EPHA6: variants seen among roughly 807,000 people sequenced by gnomAD.
The protein encoded by EPHA6 is ephrin type-A receptor 6.
A neutral mutation model predicts 112.0 loss-of-function variants in EPHA6; 50 were observed. The observed-to-expected ratio is 0.45, with a 90% CI of 0.36 to 0.56. The LOEUF is 0.56. Ranked by LOEUF, EPHA6 falls within the 20% of genes least tolerant of loss-of-function variation. The pLI, the probability that EPHA6 is intolerant of heterozygous loss-of-function variation, is 0.00. For missense variants in EPHA6, 1,280 were observed against 1,417.4 expected, an observed-to-expected ratio of 0.90 and a Z score of 1.56; for synonymous variants, 529 against 490.7, an observed-to-expected ratio of 1.08 and a Z score of -1.03.
chr3:96,904,539 A>G (rs886861134), intron 2 of EPHA6, among the ~76,000 whole-genome samples: 3 of 151,314 alleles, frequency 2.0e-5, no homozygotes, highest in Admixed American at 6.6e-5. Flanking sequence ...GCACACCAAC[A>G]TGGCACATGT....
At chr3:97,744,157 C>A (rs1225690342) in intron 16 of EPHA6, among the ~76,000 whole-genome samples, 2 of 151,938 alleles carry the variant, frequency 1.3e-5, no homozygotes, top group Non-Finnish European at 2.9e-5. Context: ...ATTCTAGCCC[C>A]ATTCTCATTT....
intron 9 of EPHA6, among the ~76,000 whole-genome samples, chr3:97,480,215 T>C (rs1423147839): frequency 6.6e-6 from 1 of 151,888 alleles, no homozygotes; most frequent in Non-Finnish European, 1.5e-5. Flanking sequence ...TTTCTTTTTT[T>C]TCTTTCTTTT....
intron 3 of EPHA6, among the ~76,000 whole-genome samples, chr3:97,158,353 C>T (rs1454717064): frequency 2.6e-5 from 4 of 152,082 alleles, no homozygotes; most frequent in East Asian, 3.9e-4. Flanking sequence ...TAACTGGCCA[C>T]GTGGCCATAG....
intron 5 of EPHA6, among the ~76,000 whole-genome samples, chr3:97,341,744 G>T (rs1424536117): frequency 6.6e-6 from 1 of 151,872 alleles, no homozygotes; most frequent in African/African-American, 2.4e-5. Context: ...AAAAACTTTG[G>T]CTTGCTTTGG....
At chr3:97,558,541 A>G (rs972141397) in intron 11 of EPHA6, among the ~76,000 whole-genome samples, 2 of 151,836 alleles carry the variant, frequency 1.3e-5, no homozygotes, top group African/African-American at 2.4e-5. Context: ...CATTCTCTAT[A>G]CTTTCTGCTA....
intron 3 of EPHA6, among the ~76,000 whole-genome samples, chr3:97,098,110 C>T (rs1480918595): frequency 1.3e-5 from 2 of 151,874 alleles, no homozygotes; most frequent in African/African-American, 4.8e-5. Flanking sequence ...ACAAAGTTCT[C>T]ACAATGACTT....
At chr3:97,079,022 A>C (rs1576448350) in intron 3 of EPHA6, among the ~76,000 whole-genome samples, 1 of 152,314 alleles carries the variant, frequency 6.6e-6, no homozygotes. Context: ...TATATACCCA[A>C]AGGAATATAA....
At chr3:97,329,793 T>C (rs576179934) in intron 5 of EPHA6, among the ~76,000 whole-genome samples, 39 of 152,290 alleles carry the variant, frequency 2.6e-4, no homozygotes, top group African/African-American at 8.7e-4. Flanking sequence ...TGGTGGTTTC[T>C]TTTGCTGTGC....
In EPHA6 at chr3:97,213,997, C is replaced by CTGTGTGTG. The variant is rs10557927; in HGVS notation, c.1115-12232_1115-12225dup. Among the ~76,000 whole-genome samples the CTGTGTGTG allele has an allele frequency of 5.0e-3, 647 of 128,904 alleles. 10 individuals carry two copies. Among genetic ancestry groups the CTGTGTGTG allele is most frequent in the African/African-American group, 0.018 (550 of 31,424 alleles). 84.6% of individuals were successfully genotyped at this position (128,904 alleles called of 152,430 possible). ...TTATCTAATCATAATCTCATGTGTT[C>CTGTGTGTG]TGTGTGTGTGTGTGTGTGTGTGTGT... On this transcript the variant is annotated intron_variant, in intron 3 of 17. Transcript: ENST00000389672.
chr3:97,321,225 C>T (rs1818875), intron 5 of EPHA6, among the ~76,000 whole-genome samples: 3,351 of 151,900 alleles, frequency 0.022, 170 homozygotes, highest in African/African-American at 0.077. Flanking sequence ...CTTATTTTTC[C>T]AGAGGCTTCC....
intron 5 of EPHA6, among the ~76,000 whole-genome samples, chr3:97,395,515 G>C (rs896672470): frequency 2.6e-5 from 4 of 151,746 alleles, no homozygotes; most frequent in African/African-American, 9.7e-5. Flanking sequence ...AGCATACACA[G>C]AAAGAAACAC....
chr3:97,298,318 C>A (rs761676464), intron 5 of EPHA6, among the ~76,000 whole-genome samples: 11 of 152,170 alleles, frequency 7.2e-5, no homozygotes, highest in Non-Finnish European at 1.5e-4. Flanking sequence ...GTTAGAACTT[C>A]TACACGTCCA....
At chr3:97,029,953 T>A (rs187282097) in intron 3 of EPHA6, among the ~76,000 whole-genome samples, 2 of 152,206 alleles carry the variant, frequency 1.3e-5, no homozygotes, top group African/African-American at 4.8e-5. Context: ...GTCTCCAGGT[T>A]CATCAAAAAT....
chr3:96,943,156 GA>G (rs978257418), intron 2 of EPHA6, among the ~76,000 whole-genome samples: 5 of 152,022 alleles, frequency 3.3e-5, no homozygotes, highest in African/African-American at 1.2e-4. Flanking sequence ...TGCAGCAAAT[GA>G]CAGGATTTCA....
intron 3 of EPHA6, among the ~76,000 whole-genome samples, chr3:97,093,378 T>C (rs1437038240): frequency 1.3e-5 from 2 of 151,834 alleles, no homozygotes; most frequent in African/African-American, 4.8e-5. Flanking sequence ...GCAAAACTGC[T>C]TCTCTACCAA....
At chr3:97,221,949 G>C (rs900799027) in intron 3 of EPHA6, among the ~76,000 whole-genome samples, 22 of 151,140 alleles carry the variant, frequency 1.5e-4, no homozygotes, top group Admixed American at 1.3e-3. Flanking sequence ...AGAATTGCTT[G>C]ATCTGGGTGC....
At chr3:97,271,945 C>T (rs1366560308) in intron 5 of EPHA6, among the ~76,000 whole-genome samples, 1 of 152,100 alleles carries the variant, frequency 6.6e-6, no homozygotes, top group South Asian at 2.1e-4. Flanking sequence ...AGGTTAAGAG[C>T]ATCTTCAATC....
At chr3:97,292,284 G>A (rs2080714451) in intron 5 of EPHA6, among the ~76,000 whole-genome samples, 1 of 152,250 alleles carries the variant, frequency 6.6e-6, no homozygotes, top group Admixed American at 6.5e-5. Flanking sequence ...GCTCCTAGAA[G>A]GACCACAGCT....
At chr3:97,439,283 T>A (rs1383070594) in intron 6 of EPHA6, among the ~76,000 whole-genome samples, 1 of 152,164 alleles carries the variant, frequency 6.6e-6, no homozygotes, top group African/African-American at 2.4e-5. Flanking sequence ...AGTAGTAGAA[T>A]ACTTAATGAT....
Sources: allele counts gnomAD v4.1 joint callset (sites outside exome capture counted in the v4.1 genomes callset), GRCh38; gene constraint gnomAD v4.1.1; transcripts MANE v1.5; gene names NCBI Gene and HGNC (gene_info 2026-07-23, HGNC 2026-07-21).